Variants in LRRC72 observed in about 807,000 individuals in gnomAD.
LRRC72 encodes the protein leucine rich repeat containing 72.
A neutral mutation model predicts 35.8 loss-of-function variants in LRRC72; 41 were observed. That is an observed-to-expected ratio of 1.15 (90% confidence interval 0.89 to 1.49). The LOEUF is 1.49. Among genes scored for constraint, LRRC72 ranks in the 40% most tolerant of loss-of-function variants. LRRC72 has a pLI of 0.00. For synonymous variants in LRRC72, 118 were observed against 119.2 expected (o/e 0.99, Z 0.07); for missense variants, 389 against 330.7 (o/e 1.18, Z -1.37).
At chr7:16,562,584 C>A (rs1184782957) in intron 5 of LRRC72, among the ~76,000 whole-genome samples, 4 of 152,316 alleles carry the variant, frequency 2.6e-5, no homozygotes, top group Middle Eastern at 3.4e-3. Flanking sequence ...GAGAGAGGGT[C>A]TCCATGTTTC....
chr7:16,539,614 G>A (rs1000719057), intron 3 of LRRC72, among the ~76,000 whole-genome samples: 1 of 152,202 alleles, frequency 6.6e-6, no homozygotes. Flanking sequence ...TGGGGAGAAT[G>A]TCTCCAGGGC....
chr7:16,528,670 T>G lies in LRRC72; in HGVS notation c.90+1628T>G, dbSNP rs184370132. 5.5e-3 allele frequency among the ~76,000 whole-genome samples: 843 copies of G among 152,278 alleles called. 14 individuals are homozygous for G. Among genetic ancestry groups the G allele is most frequent in the Middle Eastern group, 0.041 (12 of 294 alleles). The stretch of plus-strand genomic sequence containing the variant: ...CCCAGAGGCAGTCTTGCTTCCTGTC[T>G]GCAGTTCTCACTGCACACCAGGCCC... On this transcript the variant is annotated intron_variant, in intron 1 of 8. Transcript: ENST00000401542.
At chr7:16,558,750 C>T (rs1782694151) in intron 4 of LRRC72, 139 bp from the exon 5 acceptor site, 2 of 320,800 alleles carry the variant, frequency 6.2e-6, no homozygotes, top group Non-Finnish European at 1.2e-5. Context: ...ATAGTTATTC[C>T]TTCTTTAACC....
At chr7:16,534,775 T>G (rs886963564) in intron 2 of LRRC72, among the ~76,000 whole-genome samples, 1 of 152,180 alleles carries the variant, frequency 6.6e-6, no homozygotes, top group African/African-American at 2.4e-5. Flanking sequence ...ATGAAGTTAA[T>G]GTACTCTCAC....
intron 1 of LRRC72, among the ~76,000 whole-genome samples, chr7:16,529,660 C>T (rs926400320): frequency 7.9e-6 from 1 of 126,980 alleles, no homozygotes; most frequent in Non-Finnish European, 1.9e-5. Flanking sequence ...ATATTTTGTA[C>T]TGGATTCATG....
At chr7:16,561,622 T>C (rs548902382) in intron 5 of LRRC72, among the ~76,000 whole-genome samples, 16 of 152,222 alleles carry the variant, frequency 1.1e-4, no homozygotes, top group Non-Finnish European at 1.6e-4. Flanking sequence ...TCAAGTTACA[T>C]AACTATAACT....
chr7:16,564,760 C>A (rs1043082748), intron 5 of LRRC72, among the ~76,000 whole-genome samples: 2 of 151,914 alleles, frequency 1.3e-5, no homozygotes, highest in Admixed American at 6.6e-5. Flanking sequence ...GTTTATACAA[C>A]AAATATCAGA....
chr7:16,566,473 G>A (rs1221934811), intron 6 of LRRC72, 71 bp downstream of exon 6: 22 of 873,390 alleles, frequency 2.5e-5, no homozygotes, highest in Admixed American at 9.8e-5. Context: ...TAAAAACGAA[G>A]ACTACCTTTG....
intron 3 of LRRC72, among the ~76,000 whole-genome samples, chr7:16,545,378 C>T (rs1008780056): frequency 9.2e-5 from 14 of 152,116 alleles, no homozygotes; most frequent in African/African-American, 2.7e-4. Context: ...TTTTAATGTG[C>T]GGTTATAAAT....
At chr7:16,544,934 G>A (rs1431864306) in intron 3 of LRRC72, among the ~76,000 whole-genome samples, 2 of 151,526 alleles carry the variant, frequency 1.3e-5, no homozygotes, top group Non-Finnish European at 2.9e-5. Flanking sequence ...TTCTGGCGAA[G>A]TCATTGTTTA....
In LRRC72 at chr7:16,558,960, G is replaced by A; in HGVS notation, c.388G>A (p.Val130Met). The change falls in exon 5 of 9, where the codon GTG becomes ATG. Residue 130 changes from valine (V) to methionine (M), a missense_variant. By Grantham distance (21) the Val-to-Met change is conservative. Coordinates refer to ENST00000401542, the MANE Select transcript of LRRC72 (RefSeq NM_001195280.2). Reference sequence around the variant, plus strand: ...TGAGCTAACCAACATTGATGCAACAGTGAAGGAATTAAAGGGAATGCTAAA... The same window carrying A: ...TGAGCTAACCAACATTGATGCAACAATGAAGGAATTAAAGGGAATGCTAAA... ...HNELTNIDATVKELKGMLNLK... is the reference protein window; with the variant it reads ...HNELTNIDATMKELKGMLNLK... The A allele has an allele frequency of 6.5e-7, 1 of 1,536,696 alleles. No individual in the cohort carries two copies. The highest frequency in any genetic ancestry group is 1.2e-5 in the South Asian group (1 of 82,294).
chr7:16,558,909 T>C lies in LRRC72; in HGVS notation c.337T>C (p.Leu113=), dbSNP rs1377721937. 9.4e-6 allele frequency: 14 copies of C among 1,489,542 alleles called. No homozygotes were observed. Among genetic ancestry groups the C allele is most frequent in the Non-Finnish European group, 1.2e-5 (13 of 1,112,408 alleles). The allele number at this position is 1,489,542 out of a possible 1,614,324, so 92.3% of individuals were successfully genotyped here. The part of the protein sequence containing the change: ...EIEGLHYLPS[L]HILLLHHNEL... ...TTTAGGTCTGCATTATTTGCCTTCA[T>C]TGCATATACTCCTGCTACACCACAA... The change falls in exon 5 of 9, where the codon TTG becomes CTG. Residue 113 remains leucine, a synonymous_variant. Transcript: ENST00000401542.
chr7:16,539,333 A>G (rs1400137114), intron 3 of LRRC72, among the ~76,000 whole-genome samples: 2 of 152,196 alleles, frequency 1.3e-5, no homozygotes, highest in African/African-American at 2.4e-5. Context: ...TAAGAAAATT[A>G]TTTAGGGTAT....
chr7:16,577,894 G>A (rs936256573), intron 7 of LRRC72, among the ~76,000 whole-genome samples: 1 of 152,130 alleles, frequency 6.6e-6, no homozygotes, highest in Admixed American at 6.5e-5. Context: ...GATGAGGGGG[G>A]AACGAGCACA....
intron 5 of LRRC72, 57 bp downstream of exon 5, chr7:16,559,056 T>C: frequency 1.9e-6 from 2 of 1,076,658 alleles, no homozygotes; most frequent in South Asian, 3.0e-5. Context: ...CATAAGACAT[T>C]TTTCCATTTA....
chr7:16,557,474 T>C (rs1267607585), intron 4 of LRRC72, 33 bp downstream of exon 4: 12 of 891,074 alleles, frequency 1.3e-5, no homozygotes, highest in Non-Finnish European at 1.8e-5. Flanking sequence ...ATTTAATAAA[T>C]TTTCAATTAA....
At chr7:16,580,543 C>T (rs1204001378) in intron 8 of LRRC72, among the ~76,000 whole-genome samples, 1 of 152,108 alleles carries the variant, frequency 6.6e-6, no homozygotes, top group Non-Finnish European at 1.5e-5. Flanking sequence ...ACTCAGGAGA[C>T]TGAGGCAGGA....
chr7:16,552,410 G>A (rs1182594688), intron 3 of LRRC72, among the ~76,000 whole-genome samples: 1 of 152,088 alleles, frequency 6.6e-6, no homozygotes, highest in Non-Finnish European at 1.5e-5. Context: ...AATGAAGTGT[G>A]TGCAGAAAAA....
rs372715703 is a variant in LRRC72 at position 16,561,492 on chromosome 7, G to T, written c.427+2493G>T. ...CAAGGGTGTATGTGAGTGTAGAATT[G>T]TGCCAGGCATGAGGAGTGGGAATTT... On this transcript the variant is annotated intron_variant, in intron 5 of 8. Transcript: ENST00000401542. 2.6e-5 allele frequency among the ~76,000 whole-genome samples: 4 copies of T among 152,256 alleles called. No individual in the cohort carries two copies. In the East Asian group the frequency reaches 7.7e-4, roughly 29 times the overall value.
Sources: gnomAD v4.1 joint callset for allele counts (sites outside exome capture counted in the v4.1 genomes callset) on GRCh38, gnomAD v4.1.1 for gene constraint, MANE v1.5 for transcripts, NCBI Gene and HGNC (gene_info 2026-07-23, HGNC 2026-07-21) for gene names.